The following ACTMAP variants were observed in gnomAD, a reference collection of about 807,000 sequenced individuals.
The protein encoded by ACTMAP is actin maturation protease.
the ACTMAP span, chr19:40,742,807 G>C: frequency 6.4e-7 from 1 of 1,559,298 alleles, no homozygotes; most frequent in Non-Finnish European, 8.7e-7. Context: ...GGCAGTGACT[G>C]AGCCAGGACC....
At chr19:40,747,867 A>AAAAC in the ACTMAP span, among the ~76,000 whole-genome samples, 4,645 of 152,120 alleles carry the variant, frequency 0.031, 106 homozygotes, top group South Asian at 0.049. Flanking sequence ...CCCTGTCCCA[A>AAAAC]AAACAAACAA....
chr19:40,746,849 C>A, the ACTMAP span, among the ~76,000 whole-genome samples: 1 of 150,806 alleles, frequency 6.6e-6, no homozygotes, highest in Non-Finnish European at 1.5e-5. Context: ...CTCTGTCGCC[C>A]GGGCTGGAGT....
the ACTMAP span, chr19:40,750,432 C>T: frequency 6.6e-6 from 1 of 151,888 alleles, no homozygotes; most frequent in African/African-American, 2.4e-5. Context: ...CCGCGATAAC[C>T]ACTGGAAAAA....
chr19:40,743,867 C>G, the ACTMAP span: 3 of 1,608,330 alleles, frequency 1.9e-6, no homozygotes, highest in Non-Finnish European at 2.6e-6. Context: ...CCGGGGAGAC[C>G]CAGGTTGAGG....
At chr19:40,745,224 C>T in the ACTMAP span, 1 of 1,551,456 alleles carries the variant, frequency 6.4e-7, no homozygotes, top group Non-Finnish European at 8.7e-7. Context: ...GCTCAGTCAC[C>T]AGGGAGCCAG....
chr19:40,743,257 G>A, the ACTMAP span, among the ~76,000 whole-genome samples: 1 of 147,894 alleles, frequency 6.8e-6, no homozygotes, highest in Non-Finnish European at 1.5e-5. Flanking sequence ...TTTTGAGATG[G>A]AGTCTTGCTC....
chr19:40,747,534 AT>A, the ACTMAP span, among the ~76,000 whole-genome samples: 1 of 149,524 alleles, frequency 6.7e-6, no homozygotes, highest in Non-Finnish European at 1.5e-5. Context: ...GCGAAACTCC[AT>A]CTCTAAATAA....
At chr19:40,742,593 A>T in the ACTMAP span, 2 of 1,610,328 alleles carry the variant, frequency 1.2e-6, no homozygotes. Flanking sequence ...GTAGTCCCAC[A>T]GCTGATAGTG....
At chr19:40,745,262 T>A in the ACTMAP span, 6 of 1,485,218 alleles carry the variant, frequency 4.0e-6, no homozygotes, top group Non-Finnish European at 5.5e-6. Flanking sequence ...CCCTGAGGTC[T>A]GGCTGGGAGT....
chr19:40,745,324 G>A, the ACTMAP span: 3 of 904,068 alleles, frequency 3.3e-6, no homozygotes, highest in Non-Finnish European at 5.2e-6. Flanking sequence ...TCCTAAGGCT[G>A]AAGGCGGCTC....
At chr19:40,743,088 C>T in the ACTMAP span, among the ~76,000 whole-genome samples, 1 of 152,248 alleles carries the variant, frequency 6.6e-6, no homozygotes, top group South Asian at 2.1e-4. Context: ...GCTGTCAAGA[C>T]CACAAAGCCA....
At chr19:40,743,831 G>C in the ACTMAP span, 2 of 1,563,812 alleles carry the variant, frequency 1.3e-6, no homozygotes, top group South Asian at 1.1e-5. Flanking sequence ...CACAAGGGGT[G>C]AGAATGTCAG....
chr19:40,742,327 C>T, the ACTMAP span: 5 of 1,157,474 alleles, frequency 4.3e-6, no homozygotes, highest in East Asian at 7.7e-5. Flanking sequence ...GGACTGGAGA[C>T]CCCTGAGACC....
At chr19:40,742,533 C>T in the ACTMAP span, 14 of 1,573,340 alleles carry the variant, frequency 8.9e-6, no homozygotes, top group South Asian at 3.6e-5. Context: ...GTCAGTGGCC[C>T]GTGAGGGCGA....
chr19:40,749,724 G>C, the ACTMAP span: 1 of 1,511,184 alleles, frequency 6.6e-7, no homozygotes, highest in Non-Finnish European at 8.8e-7. Flanking sequence ...AGGAGGAGAT[G>C]GAATGCTGCT....
chr19:40,744,091 A>C, the ACTMAP span: 13 of 1,613,712 alleles, frequency 8.1e-6, no homozygotes, highest in Non-Finnish European at 1.0e-5. Flanking sequence ...ATGTCCAGTG[A>C]CCAGGTGCTG....
At chr19:40,744,711 A>G in the ACTMAP span, 1 of 1,583,242 alleles carries the variant, frequency 6.3e-7, no homozygotes, top group Non-Finnish European at 8.6e-7. Context: ...CAGCCTGTCA[A>G]TCCTATGTCA....
At chr19:40,742,054 T>C in the ACTMAP span, 18 of 484,634 alleles carry the variant, frequency 3.7e-5, no homozygotes, top group African/African-American at 9.8e-5. Context: ...GACTAGTAGG[T>C]GGCAAGCATG....
At chr19:40,741,926 G>A in the ACTMAP span, 1 of 447,262 alleles carries the variant, frequency 2.2e-6, no homozygotes, top group South Asian at 1.6e-5. Flanking sequence ...CTTCCCTGAG[G>A]TAGTGATACC....
Sources: gnomAD v4.1 joint callset for allele counts (sites outside exome capture counted in the v4.1 genomes callset) on GRCh38, gnomAD v4.1.1 for gene constraint, MANE v1.5 for transcripts, NCBI Gene and HGNC (gene_info 2026-07-23, HGNC 2026-07-21) for gene names.